LRRC69: variants seen among roughly 807,000 people sequenced by gnomAD.
LRRC69 encodes the protein leucine-rich repeat-containing protein 69.
LRRC69 carries 42 observed loss-of-function variants against 37.8 expected under a neutral mutation model. The observed-to-expected ratio is 1.11, with a 90% CI of 0.87 to 1.44. The LOEUF is 1.44. LRRC69 is among the 40% of genes most tolerant of loss of function. The pLI is 0.00. For synonymous variants in LRRC69, 141 were observed against 143.1 expected (o/e 0.99, Z 0.11); for missense variants, 357 against 401.9 (o/e 0.89, Z 0.96).
intron 6 of LRRC69, among the ~76,000 whole-genome samples, chr8:91,195,267 T>C (rs1237136102): frequency 2.6e-5 from 4 of 151,966 alleles, no homozygotes; most frequent in Non-Finnish European, 5.9e-5. Context: ...CTTCCAAGTG[T>C]GTGGTCAATT....
intron 5 of LRRC69, among the ~76,000 whole-genome samples, chr8:91,183,846 G>T (rs1390364625): frequency 9.2e-5 from 14 of 152,192 alleles, no homozygotes; most frequent in Admixed American, 9.2e-4. Context: ...GCACCACAGA[G>T]GCAAGGAAGC....
chr8:91,111,169 T>G (rs1813404323), intron 1 of LRRC69, among the ~76,000 whole-genome samples: 1 of 152,084 alleles, frequency 6.6e-6, no homozygotes, highest in Non-Finnish European at 1.5e-5. Context: ...TCAACATAAA[T>G]GCCCATCAGT....
intron 5 of LRRC69, chr8:91,158,068 C>T (rs1033286844): frequency 7.1e-7 from 1 of 1,398,872 alleles, no homozygotes; most frequent in South Asian, 1.2e-5. Context: ...CAAGGCCCTA[C>T]TCAATACATG....
intron 2 of LRRC69, among the ~76,000 whole-genome samples, chr8:91,126,692 A>T (rs549053039): frequency 1.3e-5 from 2 of 152,190 alleles, no homozygotes; most frequent in African/African-American, 4.8e-5. Flanking sequence ...TAGAGCAAAC[A>T]TGTTCAAAAG....
chr8:91,215,530 A>C (rs1349448925), intron 7 of LRRC69, among the ~76,000 whole-genome samples: 1 of 152,196 alleles, frequency 6.6e-6, no homozygotes, highest in East Asian at 1.9e-4. Context: ...ACACGTAGAG[A>C]ATATAATCAT....
At chr8:91,110,377 G>A (rs1389498658) in intron 1 of LRRC69, among the ~76,000 whole-genome samples, 4 of 151,980 alleles carry the variant, frequency 2.6e-5, no homozygotes, top group African/African-American at 9.7e-5. Flanking sequence ...AGTGGCTCAC[G>A]CCTGTAATCC....
intron 5 of LRRC69, among the ~76,000 whole-genome samples, chr8:91,165,757 TCAGA>T (rs1809017163): frequency 6.6e-6 from 1 of 151,832 alleles, no homozygotes; most frequent in South Asian, 2.1e-4. Flanking sequence ...GGTGAAAACA[TCAGA>T]CAGAGTCTGG....
intron 3 of LRRC69, among the ~76,000 whole-genome samples, chr8:91,127,582 A>G (rs778273220): frequency 4.1e-5 from 5 of 120,862 alleles, no homozygotes; most frequent in Non-Finnish European, 8.3e-5. Context: ...TAAAAACCCC[A>G]CATTTTATTG....
intron 6 of LRRC69, among the ~76,000 whole-genome samples, chr8:91,197,434 C>T (rs1183545872): frequency 6.6e-6 from 1 of 152,138 alleles, no homozygotes; most frequent in East Asian, 1.9e-4. Flanking sequence ...GGGCGCCCCT[C>T]CCCCAGCCTC....
intron 5 of LRRC69, among the ~76,000 whole-genome samples, chr8:91,169,087 A>G (rs965705041): frequency 6.6e-6 from 1 of 151,990 alleles, no homozygotes; most frequent in African/African-American, 2.4e-5. Flanking sequence ...AAAAAGATCC[A>G]GGACTTTATA....
chr8:91,122,735 C>T (rs1473536911), intron 1 of LRRC69, among the ~76,000 whole-genome samples: 1 of 151,996 alleles, frequency 6.6e-6, no homozygotes, highest in Admixed American at 6.6e-5. Context: ...GACTGCTGTG[C>T]ATGTTTCACT....
intron 6 of LRRC69, 62 bp from the exon 7 acceptor site, chr8:91,200,551 C>G: frequency 9.5e-7 from 1 of 1,052,674 alleles, no homozygotes; most frequent in East Asian, 3.1e-5. Context: ...AAATGGAAAT[C>G]AATGTAATGT....
At chr8:91,114,136 G>A (rs1385067864) in intron 1 of LRRC69, among the ~76,000 whole-genome samples, 1 of 151,876 alleles carries the variant, frequency 6.6e-6, no homozygotes, top group African/African-American at 2.4e-5. Flanking sequence ...ATGTTAGAAT[G>A]GCTGTTATCA....
intron 5 of LRRC69, among the ~76,000 whole-genome samples, chr8:91,166,018 T>C (rs1460697141): frequency 6.6e-6 from 1 of 151,828 alleles, no homozygotes; most frequent in African/African-American, 2.4e-5. Flanking sequence ...GGGGCAGCAT[T>C]GTGTAGTAGA....
intron 6 of LRRC69, among the ~76,000 whole-genome samples, chr8:91,196,464 CAT>C: frequency 6.6e-6 from 1 of 152,148 alleles, no homozygotes; most frequent in African/African-American, 2.4e-5. Context: ...CCATTCTCCC[CAT>C]CACTTTCAGG....
chr8:91,137,137 C>T (rs930696745), intron 5 of LRRC69, among the ~76,000 whole-genome samples: 2 of 151,898 alleles, frequency 1.3e-5, no homozygotes, highest in Non-Finnish European at 2.9e-5. Flanking sequence ...ACAGTGTTTC[C>T]AAAAATGTGT....
intron 5 of LRRC69, among the ~76,000 whole-genome samples, chr8:91,162,759 G>T (rs1257256599): frequency 6.6e-6 from 1 of 151,124 alleles, no homozygotes; most frequent in Admixed American, 6.6e-5. Context: ...ATTCAATATT[G>T]TTATTGATGG....
At chr8:91,135,309 T>C (rs980294138) in intron 4 of LRRC69, among the ~76,000 whole-genome samples, 1 of 152,102 alleles carries the variant, frequency 6.6e-6, no homozygotes, top group African/African-American at 2.4e-5. Context: ...ACCGTATGAC[T>C]TAAGGGCTTC....
chr8:91,104,206 C>T (rs894337614), intron 1 of LRRC69, among the ~76,000 whole-genome samples: 1 of 151,966 alleles, frequency 6.6e-6, no homozygotes, highest in Admixed American at 6.6e-5. Flanking sequence ...CCTTCATCAA[C>T]TGCAGTCTCT....
Sources: allele counts gnomAD v4.1 joint callset (sites outside exome capture counted in the v4.1 genomes callset), GRCh38; gene constraint gnomAD v4.1.1; transcripts MANE v1.5; gene names NCBI Gene and HGNC (gene_info 2026-07-23, HGNC 2026-07-21).